The following ANO2 variants were observed in gnomAD, a reference collection of about 807,000 sequenced individuals.
The protein encoded by ANO2 is anoctamin 2.
ANO2 carries 101 observed loss-of-function variants against 124.2 expected under a neutral mutation model. The observed-to-expected ratio is 0.81, with a 90% CI of 0.69 to 0.96. The LOEUF is 0.96. ANO2 is among the 40% of genes least tolerant of loss of function. The pLI is 0.00. For missense variants in ANO2, 1,293 were observed against 1,274.5 expected (o/e 1.01, Z -0.22); for synonymous variants, 486 against 482.5 (o/e 1.01, Z -0.09).
intron 20 of ANO2, among the ~76,000 whole-genome samples, chr12:5,588,553 A>G (rs531868565): frequency 1.3e-5 from 2 of 152,180 alleles, no homozygotes; most frequent in Non-Finnish European, 2.9e-5. Context: ...CCATCATGTC[A>G]TCACTGGAAG....
chr12:5,900,494 A>G lies in ANO2; in HGVS notation c.534+20546T>C, dbSNP rs1214423319. 6.6e-6 allele frequency among the ~76,000 whole-genome samples: 1 copy of G among 152,196 alleles called. No individual in the cohort carries two copies. The highest frequency in any genetic ancestry group is 1.9e-4 in the East Asian group (1 of 5,202). Reference sequence around the variant, plus strand: ...CCATCTGTAAAATGAGACGCTAATTAAAGACTCTCAAAGGTCCCTTCCAAC... The same window carrying G: ...CCATCTGTAAAATGAGACGCTAATTGAAGACTCTCAAAGGTCCCTTCCAAC... On this transcript the variant is annotated intron_variant, in intron 3 of 24. Transcript: ENST00000682330. This position sits in a 1 kb window ranked among gnomAD's most constrained non-coding sequence, Gnocchi z 4.2.
chr12:5,723,626 G>C (rs1365738687), intron 14 of ANO2, among the ~76,000 whole-genome samples: 1 of 150,490 alleles, frequency 6.6e-6, no homozygotes, highest in African/African-American at 2.4e-5. Flanking sequence ...GCGGGTGGGG[G>C]GCGGGGGCGC....
At chr12:5,771,160 G>A (rs1952067689) in intron 10 of ANO2, among the ~76,000 whole-genome samples, 1 of 152,214 alleles carries the variant, frequency 6.6e-6, no homozygotes, top group Non-Finnish European at 1.5e-5. Flanking sequence ...TGTGCTTGGT[G>A]CATAGCAGTG....
intron 14 of ANO2, among the ~76,000 whole-genome samples, chr12:5,650,407 T>C (rs572092105): frequency 3.3e-5 from 5 of 152,312 alleles, no homozygotes; most frequent in South Asian, 4.1e-4. Context: ...CATGTTTACA[T>C]TGGTGATCTC....
Position 5,908,293 on chromosome 12 carries a change from C to T in ANO2, c.534+12747G>A, listed in dbSNP as rs1373891022. Among the ~76,000 whole-genome samples, 1 of 152,242 alleles carries T rather than the reference C, an allele frequency of 6.6e-6. No homozygotes were observed. Among genetic ancestry groups the T allele is most frequent in the Admixed American group, 6.5e-5 (1 of 15,288 alleles). On this transcript the variant is annotated intron_variant, in intron 3 of 24. Coordinates refer to ENST00000682330, the MANE Select transcript of ANO2 (RefSeq NM_001364791.2). This position sits in a 1 kb window ranked among gnomAD's most constrained non-coding sequence, Gnocchi z 4.7. ...CCTGTGGATGAGCTAAGTGTAAGTT[C>T]CCTGGGCTGGAAGAGCCCAGAAAGA...
At chr12:5,713,330 C>T (rs1276477250) in intron 14 of ANO2, among the ~76,000 whole-genome samples, 9 of 152,194 alleles carry the variant, frequency 5.9e-5, no homozygotes. Flanking sequence ...GAATGAACCA[C>T]ATGCATTTAT....
chr12:5,581,006 G>A (rs966150922), intron 20 of ANO2, among the ~76,000 whole-genome samples: 1 of 152,182 alleles, frequency 6.6e-6, no homozygotes, highest in African/African-American at 2.4e-5. Context: ...ACAAGCTCTG[G>A]AAGCCAGTTC....
At chr12:5,664,645 C>T (rs1305371003) in intron 14 of ANO2, among the ~76,000 whole-genome samples, 4 of 152,166 alleles carry the variant, frequency 2.6e-5, no homozygotes, top group African/African-American at 2.4e-5. Context: ...TAATTCCAAT[C>T]GTATGTTCTT....
In ANO2 at chr12:5,823,229, T is replaced by C. The variant is rs1376473740; in HGVS notation, c.892+4540A>G. Among the ~76,000 whole-genome samples, 3 of 152,160 alleles carry C rather than the reference T, an allele frequency of 2.0e-5. No homozygotes were observed. The East Asian group carries it at 5.8e-4, about 29-fold the overall frequency. On this transcript the variant is annotated intron_variant, in intron 7 of 24. Transcript: ENST00000682330. ...GAATTAACCCAAAAGTCCACAATCATGCCTTCCCTCCAAAGTCTTAACTCA... is the reference window on the plus strand; with the variant it reads ...GAATTAACCCAAAAGTCCACAATCACGCCTTCCCTCCAAAGTCTTAACTCA...
At chr12:5,912,662 C>T (rs960033955) in intron 3 of ANO2, among the ~76,000 whole-genome samples, 4 of 152,160 alleles carry the variant, frequency 2.6e-5, no homozygotes, top group East Asian at 3.9e-4. Context: ...CTCAGCTGTG[C>T]GGTCCCAGGG....
At chr12:5,853,296 C>A (rs2137253375) in intron 4 of ANO2, among the ~76,000 whole-genome samples, 1 of 151,122 alleles carries the variant, frequency 6.6e-6, no homozygotes, top group East Asian at 2.0e-4. Context: ...GCCACCGTTC[C>A]TGGCCTCTGG....
chr12:5,611,269 A>G (rs1272790544), intron 19 of ANO2, among the ~76,000 whole-genome samples: 1 of 152,154 alleles, frequency 6.6e-6, no homozygotes, highest in African/African-American at 2.4e-5. Context: ...ACACCTGGCC[A>G]GAAACCTCTC....
intron 3 of ANO2, among the ~76,000 whole-genome samples, chr12:5,915,027 C>A (rs1223039555): frequency 1.3e-5 from 2 of 152,178 alleles, no homozygotes; most frequent in Admixed American, 6.5e-5. Flanking sequence ...CGCAGTCCCG[C>A]CAGGACTACA....
intron 7 of ANO2, among the ~76,000 whole-genome samples, chr12:5,826,626 T>C (rs1953964959): frequency 2.6e-5 from 4 of 152,120 alleles, no homozygotes; most frequent in Admixed American, 2.6e-4. Context: ...TTTGGAATCT[T>C]GTAGCAAGAT....
intron 20 of ANO2, among the ~76,000 whole-genome samples, chr12:5,589,051 C>T (rs1011037672): frequency 2.6e-5 from 4 of 152,184 alleles, no homozygotes; most frequent in African/African-American, 9.7e-5. Context: ...GCTTTTACTT[C>T]AAAGACGAGG....
intron 14 of ANO2, among the ~76,000 whole-genome samples, chr12:5,661,796 G>A (rs529814736): frequency 4.6e-5 from 7 of 152,304 alleles, no homozygotes; most frequent in East Asian, 3.9e-4. Context: ...AATGCTTCAC[G>A]GGCAATGCTG....
intron 19 of ANO2, among the ~76,000 whole-genome samples, chr12:5,607,147 A>G (rs1591719892): frequency 6.6e-6 from 1 of 152,036 alleles, no homozygotes. Context: ...CTGAAGGTAC[A>G]TAAGAGCTGT....
rs116614953 is a variant in ANO2 at position 5,687,571 on chromosome 12, G to A, written c.1546-39770C>T. On this transcript the variant is annotated intron_variant, in intron 14 of 24. Transcript: ENST00000682330. The stretch of plus-strand genomic sequence containing the variant: ...TGGGGACACCCAGTCCCTCTTGCAC[G>A]TTATGGATGATTTGGCTCTAGGCCA... Among the ~76,000 whole-genome samples the A allele has an allele frequency of 7.0e-3, 1,069 of 152,360 alleles. 14 individuals carry two copies. Among genetic ancestry groups the A allele is most frequent in the African/African-American group, 0.025 (1,037 of 41,582 alleles).
At chr12:5,805,927 C>T in intron 9 of ANO2, 125 bp downstream of exon 9, 1 of 892,100 alleles carries the variant, frequency 1.1e-6, no homozygotes, top group Non-Finnish European at 1.7e-6. Context: ...AAGGGGGGAG[C>T]TGGTAAAATT....
Sources: allele counts gnomAD v4.1 joint callset (sites outside exome capture counted in the v4.1 genomes callset), GRCh38; gene constraint gnomAD v4.1.1; non-coding constraint Gnocchi (gnomAD v3.1); transcripts MANE v1.5; gene names NCBI Gene and HGNC (gene_info 2026-07-23, HGNC 2026-07-21).